Variants in RGMA observed in about 807,000 individuals in gnomAD.
RGMA encodes repulsive guidance molecule BMP co-receptor a.
Under a neutral mutation model 23.2 loss-of-function variants are expected in RGMA, and 10 were observed. That is an observed-to-expected ratio of 0.43 (90% CI 0.27 to 0.73). RGMA has a LOEUF of 0.73. Among genes scored for constraint, RGMA ranks in the 30% least tolerant of loss-of-function variants. The pLI is 0.20. For synonymous variants in RGMA, 308 were observed against 279.3 expected, an observed-to-expected ratio of 1.10 and a Z score of -1.03; for missense variants, 547 against 630.5, an observed-to-expected ratio of 0.87 and a Z score of 1.42.
intron 2 of RGMA, among the ~76,000 whole-genome samples, chr15:93,071,414 T>G (rs146875421): frequency 3.3e-5 from 5 of 152,172 alleles, no homozygotes; most frequent in African/African-American, 1.2e-4. Context: ...TGCGGAGGTT[T>G]TGACATTCCA....
rs1157708850 is a variant in RGMA at position 93,072,943 on chromosome 15, C to T, written c.103G>A (p.Ala35Thr). 1.9e-6 allele frequency: 3 copies of T among 1,609,234 alleles called. No individual in the cohort carries two copies. The highest frequency in any genetic ancestry group is 2.2e-5 in the South Asian group (2 of 89,850). ...RSALGFWPTLAFLLCSFPAAT... is the reference protein window; with the variant it reads ...RSALGFWPTLTFLLCSFPAAT... ...GCGGGGAAGCTGCAGAGAAGGAAGG[C>T]GAGGGTCGGCCAGAATCCCAGGGCT... The change falls in exon 2 of 4, where the codon GCC becomes ACC. Residue 35 changes from alanine (A) to threonine (T), a missense_variant. Coordinates refer to ENST00000329082, the MANE Select transcript of RGMA (RefSeq NM_020211.3).
rs78463533 is a variant in RGMA, at chr15:93,040,926, C to A, written c.*4072G>T. On this transcript the variant is annotated 3_prime_UTR_variant, in exon 4 of 4. Coordinates refer to ENST00000329082, the MANE Select transcript of RGMA (RefSeq NM_020211.3). ...ACTGACCTCGGGAGGTGGAGACTCACAAATCCATTTTACAAATAAGGAATC... is the reference window on the plus strand; with the variant it reads ...ACTGACCTCGGGAGGTGGAGACTCAAAAATCCATTTTACAAATAAGGAATC... 6.6e-6 allele frequency: 1 copy of A among 152,166 alleles called. No homozygotes were observed. Among genetic ancestry groups the A allele is most frequent in the Admixed American group, 6.5e-5 (1 of 15,268 alleles). 9.4% of individuals were successfully genotyped at this position (152,166 alleles called of 1,614,324 possible). A position where few individuals can be genotyped will look rare whatever the true frequency, so the allele number is the denominator to read the frequency against.
At chr15:93,073,286 G>T in intron 1 of RGMA, 1 of 812,996 alleles carries the variant, frequency 1.2e-6, no homozygotes, top group East Asian at 5.2e-5. Context: ...GTTTCAGCGA[G>T]GCCGGCGAGG....
rs557054421 is a variant in RGMA at position 93,044,609 on chromosome 15, A to G, written c.*389T>C. 1.4e-4 allele frequency: 37 copies of G among 267,462 alleles called. No homozygotes were observed. Among genetic ancestry groups the G allele is most frequent in the African/African-American group, 7.4e-4 (33 of 44,666 alleles). The allele number at this position is 267,462 out of a possible 1,614,324, so 16.6% of individuals were successfully genotyped here. ...GTGGCGGGCACAGGGGGCCCCACGG[A>G]TCGGCGAGCAGCAGTCGGCCGGGCC... On this transcript the variant is annotated 3_prime_UTR_variant, in exon 4 of 4. Transcript: ENST00000329082.
intron 2 of RGMA, chr15:93,066,654 C>T (rs1346880952): frequency 2.3e-6 from 1 of 440,122 alleles, no homozygotes; most frequent in Non-Finnish European, 4.5e-6. Flanking sequence ...CTCGCTCATC[C>T]TGCCGGGTCC....
rs540646585 is a variant in RGMA, at chr15:93,065,938, C to T, written c.130+6978G>A. On this transcript the variant is annotated intron_variant, in intron 2 of 3. Coordinates refer to ENST00000329082, the MANE Select transcript of RGMA (RefSeq NM_020211.3). ...GGGCCGAGGGACTCGCACAAACCAC[C>T]GTCGGTAGAAGAAGGGTGGGGGGCG... 2.7e-5 allele frequency: 21 copies of T among 774,156 alleles called. No individual in the cohort carries two copies. The African/African-American group carries it at 3.2e-4, about 12-fold the overall frequency. 48.0% of individuals were successfully genotyped at this position (774,156 alleles called of 1,614,324 possible).
chr15:93,073,370 G>T (rs1190384971), intron 1 of RGMA, among the ~76,000 whole-genome samples: 1 of 151,940 alleles, frequency 6.6e-6, no homozygotes, highest in South Asian at 2.1e-4. Context: ...GGAAAACCAC[G>T]GCCCTAGATC....
intron 2 of RGMA, chr15:93,065,761 C>A: frequency 8.7e-7 from 1 of 1,153,486 alleles, no homozygotes. Flanking sequence ...CTTGGTCTCA[C>A]CGTCCCCACC....
In RGMA at chr15:93,052,649, T is replaced by C. The variant is rs2054946941; in HGVS notation, c.131-142A>G. On this transcript the variant is annotated intron_variant, in intron 2 of 3. Transcript: ENST00000329082. ...ATGCCACACACAGATGGTGAAAAAT[T>C]TCCTGCAGGTGGTAGGAAAGGGGTC... is the stretch of plus-strand genomic sequence containing the variant. 5 of 970,356 alleles carry C rather than the reference T, an allele frequency of 5.2e-6. No individual in the cohort carries two copies. In the South Asian group the frequency reaches 8.9e-5, roughly 17 times the overall value. 60.1% of individuals were successfully genotyped at this position (970,356 alleles called of 1,614,324 possible). A position where few individuals can be genotyped will look rare whatever the true frequency, so the allele number is the denominator to read the frequency against.
intron 2 of RGMA, chr15:93,065,696 G>A: frequency 8.5e-7 from 1 of 1,182,520 alleles, no homozygotes; most frequent in South Asian, 1.2e-5. Context: ...AAGTAGGGGT[G>A]GTTTCGTGGG....
rs1290125599 is a variant in RGMA, at chr15:93,041,021, G to C, written c.*3977C>G. On this transcript the variant is annotated 3_prime_UTR_variant, in exon 4 of 4. Coordinates refer to ENST00000329082, the MANE Select transcript of RGMA (RefSeq NM_020211.3). ...TTGAGCCAGTTTTGACGCCAAGTTT[G>C]CCTGCAGCCCGAGCCCAAGTGCCAC... 3 of 152,174 alleles carry C rather than the reference G, an allele frequency of 2.0e-5. No individual in the cohort carries two copies. The highest frequency in any genetic ancestry group is 4.4e-5 in the Non-Finnish European group (3 of 68,054). The allele number at this position is 152,174 out of a possible 1,614,324, so 9.4% of individuals were successfully genotyped here.
chr15:93,065,903 G>A, intron 2 of RGMA: 1 of 717,564 alleles, frequency 1.4e-6, no homozygotes, highest in Non-Finnish European at 2.5e-6. Context: ...GTAGGCTGTT[G>A]CTGGCTGGGG....
At chr15:93,088,821 G>A (rs74029243) in intron 1 of RGMA, 98 bp downstream of exon 1, 50,370 of 1,151,906 alleles carry the variant, frequency 0.044, 1,311 homozygotes, top group South Asian at 0.07. Context: ...GAGACGCGGG[G>A]CTAAGGAAGA....
At position 93,035,692 on chromosome 15, in the gene RGMA, G is replaced by A. The variant is rs2054652902; in HGVS notation, c.*9306C>T. The A allele has an allele frequency of 6.6e-6, 1 of 152,272 alleles. No individual in the cohort carries two copies. The allele number at this position is 152,272 out of a possible 1,614,324, so 9.4% of individuals were successfully genotyped here. A position where few individuals can be genotyped will look rare whatever the true frequency, so the allele number is the denominator to read the frequency against. On this transcript the variant is annotated 3_prime_UTR_variant, in exon 4 of 4. Transcript: ENST00000329082. ...CTAACTGGAAGGCTCAGGGCGGCCT[G>A]AGGAGAGATGGGTCAAGGCGGGGAT...
Position 93,039,503 on chromosome 15 carries a change from A to G in RGMA, c.*5495T>C, listed in dbSNP as rs2054699221. The G allele has an allele frequency of 6.6e-6, 1 of 152,170 alleles. No homozygotes were observed. The highest frequency in any genetic ancestry group is 1.5e-5 in the Non-Finnish European group (1 of 68,056). The allele number at this position is 152,170 out of a possible 1,614,324, so 9.4% of individuals were successfully genotyped here. ...GGTTTGCTGCACCTATGAACCCGTC[A>G]TCATCTACATTGGGTATTTCTCCTG... On this transcript the variant is annotated 3_prime_UTR_variant, in exon 4 of 4. Coordinates refer to ENST00000329082, the MANE Select transcript of RGMA (RefSeq NM_020211.3).
chr15:93,064,758 A>T (rs1161460458), intron 2 of RGMA, among the ~76,000 whole-genome samples: 5 of 152,244 alleles, frequency 3.3e-5, no homozygotes. Context: ...GAACATGTGC[A>T]CAATGACAGC....
intron 2 of RGMA, among the ~76,000 whole-genome samples, chr15:93,054,784 G>C (rs1166283213): frequency 6.6e-6 from 1 of 152,192 alleles, no homozygotes; most frequent in Non-Finnish European, 1.5e-5. Flanking sequence ...CTCCTACACA[G>C]GTGTGCTCCT....
Position 93,089,172 on chromosome 15 carries a change from T to G in RGMA, c.-240A>C. 1 of 295,658 alleles carries G rather than the reference T, an allele frequency of 3.4e-6. No individual in the cohort carries two copies. The allele number at this position is 295,658 out of a possible 1,614,324, so 18.3% of individuals were successfully genotyped here. A position where few individuals can be genotyped will look rare whatever the true frequency, so the allele number is the denominator to read the frequency against. ...GCCAGTGCTTCCCCGGCCCAGCGGCTCGGGCGGCGCAGCCAGCGCTCGGGA... is the reference window on the plus strand; with the variant it reads ...GCCAGTGCTTCCCCGGCCCAGCGGCGCGGGCGGCGCAGCCAGCGCTCGGGA... On this transcript the variant is annotated 5_prime_UTR_variant, in exon 1 of 4. Coordinates refer to ENST00000329082, the MANE Select transcript of RGMA (RefSeq NM_020211.3).
At chr15:93,048,757 C>T (rs1190973886) in intron 3 of RGMA, among the ~76,000 whole-genome samples, 1 of 152,148 alleles carries the variant, frequency 6.6e-6, no homozygotes, top group Admixed American at 6.5e-5. Context: ...CACCCACTGG[C>T]CAGCCCACCT....
Sources: allele counts gnomAD v4.1 joint callset (sites outside exome capture counted in the v4.1 genomes callset), GRCh38; gene constraint gnomAD v4.1.1; transcripts MANE v1.5; gene names NCBI Gene and HGNC (gene_info 2026-07-23, HGNC 2026-07-21).